Variants in BUD23 observed in about 807,000 individuals in gnomAD.
BUD23 encodes the protein BUD23 rRNA methyltransferase and ribosome maturation factor, also known as 18S rRNA (guanine-N(7))-methyltransferase.
A neutral mutation model predicts 47.0 loss-of-function variants in BUD23; 34 were observed. The observed-to-expected ratio is 0.72, with a 90% CI of 0.55 to 0.96. The LOEUF is 0.96. Ranked by LOEUF, BUD23 falls within the 40% of genes least tolerant of loss-of-function variation. The probability of loss-of-function intolerance (pLI) is 0.00; values close to 1 mark genes in which losing one functional copy is unlikely to be tolerated. For synonymous variants in BUD23, 124 were observed against 132.0 expected, an observed-to-expected ratio of 0.94 and a Z score of 0.41; for missense variants, 343 against 361.2, an observed-to-expected ratio of 0.95 and a Z score of 0.41.
At position 73,697,989 on chromosome 7, in the gene BUD23, T is replaced by G. The variant is rs1342267481; in HGVS notation, c.*103T>G. ...AAGTTCTAAAGTTATAAAAATGTTT[T>G]CTGCAGTAAAAAAAAAGTTCTCTGG... On this transcript the variant is annotated 3_prime_UTR_variant, in exon 12 of 12. Coordinates refer to ENST00000265758, the MANE Select transcript of BUD23 (RefSeq NM_017528.5). 1.4e-6 allele frequency: 2 copies of G among 1,424,036 alleles called. No individual in the cohort carries two copies. Among genetic ancestry groups the G allele is most frequent in the Admixed American group, 2.7e-5 (1 of 36,470 alleles). The allele number at this position is 1,424,036 out of a possible 1,614,324, so 88.2% of individuals were successfully genotyped here. A position where few individuals can be genotyped will look rare whatever the true frequency, so the allele number is the denominator to read the frequency against.
In BUD23 at chr7:73,693,614, C is replaced by T. The variant is rs781797357; in HGVS notation, c.597-10C>T. ...CCACCCAACCCTCACTTTGCACTTT[C>T]TCCTTTCAGATTCTACCTCTGCTTG... On this transcript the variant is annotated splice_polypyrimidine_tract_variant and intron_variant, in intron 8 of 11. Coordinates refer to ENST00000265758, the MANE Select transcript of BUD23 (RefSeq NM_017528.5). 3 of 1,614,080 alleles carry T rather than the reference C, an allele frequency of 1.9e-6. No homozygotes were observed. Among genetic ancestry groups the T allele is most frequent in the African/African-American group, 1.3e-5 (1 of 74,922 alleles).
Position 73,687,022 on chromosome 7 carries a change from G to A in BUD23, c.289G>A (p.Glu97Lys). 1 of 1,614,198 alleles carries A rather than the reference G, an allele frequency of 6.2e-7. No individual in the cohort carries two copies. The highest frequency in any genetic ancestry group is 8.5e-7 in the Non-Finnish European group (1 of 1,180,034). ...AGATGAGGCTGTGGACCGAGAGATA[G>A]AGGGAGACCTGCTGCTGGGGGATAT... ...MLDEAVDREI[E>K]GDLLLGDMGQ... Residue 97 changes from glutamate (E) to lysine (K), a missense_variant, in exon 5 of 12, where the codon GAG becomes AAG. Transcript: ENST00000265758.
rs781892728 is a variant in BUD23, at chr7:73,687,095, G to C, written c.362G>C (p.Ser121Thr). 3 of 1,613,336 alleles carry C rather than the reference G, an allele frequency of 1.9e-6. No homozygotes were observed. The South Asian group carries it at 3.3e-5, about 18-fold the overall frequency. ...CCAGGCACATTTGATGGTTGCATCAGGTGAGGGTCTTTAATTCCTGCTTTT... is the reference window on the plus strand; with the variant it reads ...CCAGGCACATTTGATGGTTGCATCACGTGAGGGTCTTTAATTCCTGCTTTT... ...FKPGTFDGCI[S>T]ISAVQWLCNA... The change falls in exon 5 of 12, where the codon AGC (serine) becomes ACC (threonine). Residue 121 changes from serine (S) to threonine (T), a missense_variant and splice_region_variant. Physicochemically the swap from Ser to Thr is moderately conservative, Grantham distance 58. Coordinates refer to ENST00000265758, the MANE Select transcript of BUD23 (RefSeq NM_017528.5).
Position 73,690,907 on chromosome 7 carries a change from C to A in BUD23, c.363-9C>A. The A allele has an allele frequency of 6.2e-7, 1 of 1,613,734 alleles. No individual in the cohort carries two copies. Among genetic ancestry groups the A allele is most frequent in the Non-Finnish European group, 8.5e-7 (1 of 1,179,638 alleles). The stretch of plus-strand genomic sequence containing the variant: ...GCTCCGTTGCCTGACTAGGTCCCTT[C>A]CTTTTTAGCATTTCTGCTGTGCAGT... On this transcript the variant is annotated splice_polypyrimidine_tract_variant and intron_variant, in intron 5 of 11. Transcript: ENST00000265758.
In BUD23 at chr7:73,683,665, C is replaced by G; in HGVS notation, c.40C>G (p.Pro14Ala). ...RGRRPEHGGP[P>A]ELFYDETEAR... ...CCGGCGTCCGGAGCATGGCGGACCC[C>G]CAGAGCTGGTAAGTCCCGGGGCCCG... The change falls in exon 1 of 12, where the codon CCA (proline) becomes GCA (alanine). Residue 14 changes from proline (P) to alanine (A), a missense_variant. Transcript: ENST00000265758. 1 of 1,613,492 alleles carries G rather than the reference C, an allele frequency of 6.2e-7. No homozygotes were observed. The highest frequency in any genetic ancestry group is 8.5e-7 in the Non-Finnish European group (1 of 1,179,852).
intron 7 of BUD23, 129 bp downstream of exon 7, chr7:73,692,775 C>G: frequency 1.2e-6 from 1 of 845,186 alleles, no homozygotes; most frequent in South Asian, 1.8e-5. Flanking sequence ...TAGTGTGGCC[C>G]CTGATGGCAC....
intron 6 of BUD23, among the ~76,000 whole-genome samples, 181 bp downstream of exon 6, chr7:73,691,193 C>T (rs1381246313): frequency 6.6e-6 from 1 of 152,172 alleles, no homozygotes; most frequent in Non-Finnish European, 1.5e-5. Flanking sequence ...GAAGTTCAAG[C>T]TCAGTGGACT....
chr7:73,684,156 G>T (rs1037594161), intron 2 of BUD23, among the ~76,000 whole-genome samples: 10 of 152,244 alleles, frequency 6.6e-5, no homozygotes, highest in Non-Finnish European at 1.3e-4. Flanking sequence ...GATGCTTATC[G>T]TGGCGCCTTG....
intron 10 of BUD23, chr7:73,694,308 G>T: frequency 2.3e-6 from 1 of 425,880 alleles, no homozygotes; most frequent in Non-Finnish European, 4.1e-6. Flanking sequence ...TGCCACGCCT[G>T]GCAGGCTGTC....
At chr7:73,686,042 GC>G (rs1797953626) in intron 2 of BUD23, among the ~76,000 whole-genome samples, 1 of 151,118 alleles carries the variant, frequency 6.6e-6, no homozygotes, top group Non-Finnish European at 1.5e-5. Context: ...CTTGCAGTGA[GC>G]CGAGATCGCG....
At chr7:73,693,116 A>G (rs1159242071) in intron 7 of BUD23, 9 of 594,010 alleles carry the variant, frequency 1.5e-5, no homozygotes, top group Non-Finnish European at 2.7e-5. Flanking sequence ...AGTGAGAATG[A>G]GGGGAGTTGC....
intron 7 of BUD23, chr7:73,692,966 A>G (rs937235903): frequency 7.4e-6 from 4 of 540,328 alleles, no homozygotes; most frequent in Non-Finnish European, 1.3e-5. Flanking sequence ...TGATGTATAA[A>G]TTAAGGAATG....
chr7:73,696,581 A>G (rs1424106215), intron 10 of BUD23: 3 of 152,320 alleles, frequency 2.0e-5, no homozygotes, highest in African/African-American at 7.2e-5. Flanking sequence ...CTCGTTCTGT[A>G]GGCTCTCACT....
At chr7:73,685,745 T>A (rs1257614948) in intron 2 of BUD23, among the ~76,000 whole-genome samples, 1 of 152,078 alleles carries the variant, frequency 6.6e-6, no homozygotes, top group Non-Finnish European at 1.5e-5. Flanking sequence ...TGAAGTGATA[T>A]TTTGAACATA....
chr7:73,696,846 TG>T (rs1210839545), intron 10 of BUD23: 1 of 154,494 alleles, frequency 6.5e-6, no homozygotes, highest in Non-Finnish European at 1.4e-5. Context: ...ACCTGTGCTT[TG>T]GGGCACTCCC....
At chr7:73,695,694 A>C (rs1798377213) in intron 10 of BUD23, 1 of 152,316 alleles carries the variant, frequency 6.6e-6, no homozygotes, top group Non-Finnish European at 1.5e-5. Context: ...CTAATCCAGC[A>C]CTGCCCCTAG....
chr7:73,691,903 C>T (rs1554614080), intron 6 of BUD23, among the ~76,000 whole-genome samples: 3 of 152,218 alleles, frequency 2.0e-5, no homozygotes, highest in Admixed American at 6.5e-5. Context: ...CTGTGCCCAG[C>T]TTAAAAATGA....
rs139003627 is a variant in BUD23, at chr7:73,697,878, C to A, written c.838C>A (p.Arg280Ser). The A allele has an allele frequency of 6.2e-7, 1 of 1,613,656 alleles. No homozygotes were observed. Among genetic ancestry groups the A allele is most frequent in the Non-Finnish European group, 8.5e-7 (1 of 1,179,958 alleles). The change falls in exon 12 of 12, where the codon CGC becomes AGC. Residue 280 changes from arginine to serine, a missense_variant. Arg to Ser is a moderately radical substitution (Grantham distance 110, BLOSUM62 -1). Coordinates refer to ENST00000265758, the MANE Select transcript of BUD23 (RefSeq NM_017528.5). ...GTACACCGGCCGCAAGCGCAAGCCC[C>A]GCTTCTAAGTCACCACGCGGTTCTG... The part of the protein sequence containing the change: ...TQYTGRKRKP[R>S]F
chr7:73,698,156 A>C lies in BUD23; in HGVS notation c.*270A>C, dbSNP rs1021132413. 1 of 311,858 alleles carries C rather than the reference A, an allele frequency of 3.2e-6. No homozygotes were observed. The allele number at this position is 311,858 out of a possible 1,614,324, so 19.3% of individuals were successfully genotyped here. On this transcript the variant is annotated 3_prime_UTR_variant, in exon 12 of 12. Transcript: ENST00000265758. ...AGGGAGGAAAAAAAAAAAAAAAAAA[A>C]GCTCTGAGAGCATCTTATTTTGTTT...
Sources: allele counts gnomAD v4.1 joint callset (sites outside exome capture counted in the v4.1 genomes callset), GRCh38; gene constraint gnomAD v4.1.1; transcripts MANE v1.5; gene names NCBI Gene and HGNC (gene_info 2026-07-23, HGNC 2026-07-21).